Variants in CHM observed in about 807,000 individuals in gnomAD.
The protein encoded by CHM is CHM Rab escort protein, also known as rab proteins geranylgeranyltransferase component A 1.
CHM carries 10 observed loss-of-function variants against 49.0 expected under a neutral mutation model. The observed-to-expected ratio is 0.20, with a 90% CI of 0.13 to 0.35. The LOEUF is 0.35. CHM is among the 10% of genes least tolerant of loss of function. CHM has a pLI of 1.00. For missense variants in CHM, 455 were observed against 478.4 expected, an observed-to-expected ratio of 0.95 and a Z score of 0.46; for synonymous variants, 184 against 167.5, an observed-to-expected ratio of 1.10 and a Z score of -0.76.
chrX:85,937,387 C>A (rs1173527696), intron 8 of CHM, among the ~76,000 whole-genome samples: 1 of 110,569 alleles, frequency 9.0e-6, no homozygotes, highest in Non-Finnish European at 1.9e-5. Context: ...GAGTCAACCA[C>A]CTTTTATTCT....
At chrX:86,015,653 G>C (rs921691851) in intron 2 of CHM, among the ~76,000 whole-genome samples, 1 of 112,129 alleles carries the variant, frequency 8.9e-6, no homozygotes, top group Admixed American at 9.4e-5. Flanking sequence ...TAAGGTCTGG[G>C]CGGAGGTGGC....
At chrX:86,037,228 T>G (rs957221354) in intron 1 of CHM, among the ~76,000 whole-genome samples, 14 of 105,082 alleles carry the variant, frequency 1.3e-4, no homozygotes, top group African/African-American at 4.5e-4. Context: ...GCGATTCTCC[T>G]GCCTCAGCTT....
chrX:85,933,898 T>C (rs961395461), intron 8 of CHM, among the ~76,000 whole-genome samples: 1 of 112,120 alleles, frequency 8.9e-6, no homozygotes, highest in Non-Finnish European at 1.9e-5. Flanking sequence ...TTATAAAATA[T>C]AGGTTTATTA....
intron 2 of CHM, among the ~76,000 whole-genome samples, chrX:85,995,798 A>C (rs1932411371): frequency 8.9e-6 from 1 of 112,158 alleles, no homozygotes; most frequent in South Asian, 3.7e-4. Context: ...CTTGAATACT[A>C]GATTAGTTTG....
chrX:85,911,202 AATATATATATATGAATAT>A, intron 9 of CHM, 41 bp downstream of exon 9: 2 of 63,141 alleles, frequency 3.2e-5, no homozygotes, highest in Non-Finnish European at 5.7e-5. Flanking sequence ...TATATATATG[AATATATATATATGAATAT>A]ATATATATAT....
chrX:85,882,680 G>T (rs1924835962), intron 12 of CHM, among the ~76,000 whole-genome samples: 1 of 111,654 alleles, frequency 9.0e-6, no homozygotes, highest in Admixed American at 9.5e-5. Flanking sequence ...GAAGTGAGAA[G>T]TAACAACACA....
In CHM at chrX:86,047,333, C is replaced by A. The variant is rs1049088602; in HGVS notation, c.49+151G>T. ...CAGCCCCTCCCTGTAACTGCCAACT[C>A]CCGCGCTGACTCCGGACTACCTCAC... On this transcript the variant is annotated intron_variant, in intron 1 of 14. Coordinates refer to ENST00000357749, the MANE Select transcript of CHM (RefSeq NM_000390.4). 7.4e-5 allele frequency: 40 copies of A among 539,466 alleles called. No individual in the cohort carries two copies. The African/African-American group carries it at 9.0e-4, about 12-fold the overall frequency. The allele number at this position is 539,466 out of a possible 1,213,427, so 44.5% of individuals were successfully genotyped here.
At chrX:85,975,712 TGTG>T (rs1289047737) in intron 4 of CHM, among the ~76,000 whole-genome samples, 5 of 112,283 alleles carry the variant, frequency 4.5e-5, no homozygotes, top group Admixed American at 1.9e-4. Flanking sequence ...TAGGGGTCCT[TGTG>T]GTGATAGAAC....
intron 2 of CHM, among the ~76,000 whole-genome samples, chrX:85,997,870 A>C (rs962889946): frequency 9.0e-6 from 1 of 110,758 alleles, no homozygotes; most frequent in African/African-American, 3.3e-5. Context: ...GAATTGCTTG[A>C]ACCCAAGAGA....
At chrX:86,013,823 G>A (rs1933181968) in intron 2 of CHM, among the ~76,000 whole-genome samples, 1 of 110,390 alleles carries the variant, frequency 9.1e-6, no homozygotes, top group Non-Finnish European at 1.9e-5. Context: ...AGAACTTCTA[G>A]AAGCCATTGA....
chrX:85,903,336 C>G (rs1333031553), intron 9 of CHM, among the ~76,000 whole-genome samples: 1 of 110,504 alleles, frequency 9.0e-6, no homozygotes, highest in African/African-American at 3.3e-5. Flanking sequence ...AATCTCAGAC[C>G]TGAGTGTAAG....
At chrX:85,981,604 T>A in intron 3 of CHM, 133 bp downstream of exon 3, 1 of 488,161 alleles carries the variant, frequency 2.0e-6, no homozygotes, top group Non-Finnish European at 3.4e-6. Flanking sequence ...TACATATTTT[T>A]TGTAAAATAA....
intron 2 of CHM, among the ~76,000 whole-genome samples, chrX:86,010,715 CTTAA>C: frequency 9.0e-6 from 1 of 111,698 alleles, no homozygotes; most frequent in Non-Finnish European, 1.9e-5. Flanking sequence ...AAAAGCAGAA[CTTAA>C]TTGAGGAATA....
At chrX:85,940,558 A>T (rs1929044922) in intron 8 of CHM, among the ~76,000 whole-genome samples, 1 of 110,129 alleles carries the variant, frequency 9.1e-6, no homozygotes, top group Non-Finnish European at 1.9e-5. Context: ...GGTAGAATCC[A>T]GGTATGTTGC....
chrX:85,970,234 T>C (rs925419095), intron 4 of CHM: 1 of 729,222 alleles, frequency 1.4e-6, no homozygotes, highest in Non-Finnish European at 1.6e-6. Context: ...ATTTAAAAAA[T>C]CCCATGGCAT....
rs775121282 is a variant in CHM, at chrX:85,878,953, T to C, written c.1609+12A>G. On this transcript the variant is annotated intron_variant, in intron 13 of 14. Coordinates refer to ENST00000357749, the MANE Select transcript of CHM (RefSeq NM_000390.4). ...TACCTTTCCATCATGAGTTATCAAT[T>C]ATTTTTCTTACCTATCTCCATTTCA... The C allele has an allele frequency of 6.4e-6, 7 of 1,096,138 alleles. No individual in the cohort carries two copies. In the East Asian group the frequency reaches 1.8e-4, roughly 28 times the overall value. 90.3% of individuals were successfully genotyped at this position (1,096,138 alleles called of 1,213,427 possible). A position where few individuals can be genotyped will look rare whatever the true frequency, so the allele number is the denominator to read the frequency against.
intron 12 of CHM, among the ~76,000 whole-genome samples, chrX:85,884,829 ATAAAAAGTG>A (rs1924989466): frequency 9.0e-6 from 1 of 111,245 alleles, no homozygotes; most frequent in South Asian, 3.7e-4. Context: ...AGGATTAAAA[ATAAAAAGTG>A]TAAAAAGTGT....
At chrX:85,944,924 T>C (rs1305173887) in intron 8 of CHM, among the ~76,000 whole-genome samples, 2 of 111,885 alleles carry the variant, frequency 1.8e-5, no homozygotes, top group African/African-American at 6.5e-5. Flanking sequence ...ACGTGGTACA[T>C]CTACACCATG....
intron 11 of CHM, among the ~76,000 whole-genome samples, chrX:85,897,983 A>C (rs1333175949): frequency 9.0e-6 from 1 of 111,247 alleles, no homozygotes; most frequent in African/African-American, 3.3e-5. Flanking sequence ...AAGGCAGATG[A>C]TAAACTGAAA....
Sources: gnomAD v4.1 joint callset for allele counts (sites outside exome capture counted in the v4.1 genomes callset) on GRCh38, gnomAD v4.1.1 for gene constraint, MANE v1.5 for transcripts, NCBI Gene and HGNC (gene_info 2026-07-23, HGNC 2026-07-21) for gene names.